SNTG1: variants seen among roughly 807,000 people sequenced by gnomAD.
SNTG1 encodes syntrophin gamma 1, also known as gamma-1-syntrophin.
Under a neutral mutation model 74.7 loss-of-function variants are expected in SNTG1, and 39 were observed. That is an observed-to-expected ratio of 0.52 (90% CI 0.40 to 0.68). SNTG1 has a LOEUF of 0.68. Ranked by LOEUF, SNTG1 falls within the 30% of genes least tolerant of loss-of-function variation. SNTG1 has a pLI of 0.00. For synonymous variants in SNTG1, 254 were observed against 217.1 expected (o/e 1.17, Z -1.49); for missense variants, 685 against 609.5 (o/e 1.12, Z -1.30).
chr8:50,716,813 A>G (rs540482763), intron 17 of SNTG1, among the ~76,000 whole-genome samples: 1 of 151,794 alleles, frequency 6.6e-6, no homozygotes, highest in East Asian at 1.9e-4. Flanking sequence ...GCTCACTGCA[A>G]GCTCCACCTC....
At chr8:50,774,858 T>C (rs778476238) in intron 18 of SNTG1, among the ~76,000 whole-genome samples, 1 of 151,512 alleles carries the variant, frequency 6.6e-6, no homozygotes. Flanking sequence ...TTGAGCACTA[T>C]TGACGTTGTC....
Position 50,794,723 on chromosome 8 carries a change from A to G in SNTG1, c.*1894A>G, listed in dbSNP as rs2095700637. The G allele has an allele frequency of 6.6e-6, 1 of 151,948 alleles. No individual in the cohort carries two copies. The highest frequency in any genetic ancestry group is 6.6e-5 in the Admixed American group (1 of 15,202). The allele number at this position is 151,948 out of a possible 1,614,324, so 9.4% of individuals were successfully genotyped here. On this transcript the variant is annotated 3_prime_UTR_variant, in exon 19 of 19. Coordinates refer to ENST00000642720, the MANE Select transcript of SNTG1 (RefSeq NM_018967.5). ...TTATGGAACTTCTGCTTCCAACCAGAGCTGAATCTCAGTGTGCCCCATATT... is the reference window on the plus strand; with the variant it reads ...TTATGGAACTTCTGCTTCCAACCAGGGCTGAATCTCAGTGTGCCCCATATT...
intron 1 of SNTG1, among the ~76,000 whole-genome samples, chr8:49,971,656 C>A (rs1442414875): frequency 3.9e-5 from 6 of 152,164 alleles, no homozygotes; most frequent in African/African-American, 1.4e-4. Flanking sequence ...TGACAGGCAA[C>A]TTCAGCAAAG....
chr8:50,267,830 T>C (rs1295441943), intron 2 of SNTG1, among the ~76,000 whole-genome samples: 1 of 152,074 alleles, frequency 6.6e-6, no homozygotes, highest in Non-Finnish European at 1.5e-5. Context: ...ACAGGAAAAA[T>C]AGATACTGCT....
At position 50,082,800 on chromosome 8, in the gene SNTG1, A is replaced by T. The variant is rs910545812; in HGVS notation, c.-102-89761A>T. ...CACCCCTCTACTCTCTGCTGGACACACACAGTGACTCCCATCAATCAGGGA... is the reference window on the plus strand; with the variant it reads ...CACCCCTCTACTCTCTGCTGGACACTCACAGTGACTCCCATCAATCAGGGA... On this transcript the variant is annotated intron_variant, in intron 1 of 18. Transcript: ENST00000642720. 3.3e-5 allele frequency among the ~76,000 whole-genome samples: 5 copies of T among 152,238 alleles called. No individual in the cohort carries two copies. In the South Asian group the frequency reaches 8.3e-4, roughly 25 times the overall value.
intron 3 of SNTG1, among the ~76,000 whole-genome samples, chr8:50,395,284 T>G (rs1483832934): frequency 6.6e-6 from 1 of 152,178 alleles, no homozygotes; most frequent in Non-Finnish European, 1.5e-5. Context: ...TTTTAATGCT[T>G]TAAGCATAAC....
At chr8:50,526,353 ACAC>A (rs2094219453) in intron 9 of SNTG1, among the ~76,000 whole-genome samples, 2 of 152,246 alleles carry the variant, frequency 1.3e-5, no homozygotes, top group South Asian at 4.1e-4. Flanking sequence ...ACTTCTGATC[ACAC>A]CAAGTTATTC....
At chr8:50,661,377 T>A (rs903241795) in intron 15 of SNTG1, among the ~76,000 whole-genome samples, 2 of 152,184 alleles carry the variant, frequency 1.3e-5, no homozygotes, top group South Asian at 4.1e-4. Context: ...AGATATTAAA[T>A]CCATGTGTAC....
At chr8:50,322,935 G>A (rs1009244014) in intron 2 of SNTG1, among the ~76,000 whole-genome samples, 1 of 151,694 alleles carries the variant, frequency 6.6e-6, no homozygotes, top group African/African-American at 2.4e-5. Flanking sequence ...GGCTAACATG[G>A]TAAAATCCCA....
chr8:50,193,146 C>T (rs570329586), intron 2 of SNTG1, among the ~76,000 whole-genome samples: 2 of 151,798 alleles, frequency 1.3e-5, no homozygotes, highest in African/African-American at 4.8e-5. Context: ...GTTTTTGGAT[C>T]CATATGAATT....
intron 12 of SNTG1, among the ~76,000 whole-genome samples, chr8:50,589,213 T>G (rs2130865270): frequency 6.6e-6 from 1 of 152,242 alleles, no homozygotes; most frequent in South Asian, 2.1e-4. Context: ...CACATATCAG[T>G]TAATAAGTTG....
At chr8:50,066,348 GATAT>G (rs148754724) in intron 1 of SNTG1, among the ~76,000 whole-genome samples, 2 of 150,520 alleles carry the variant, frequency 1.3e-5, no homozygotes, top group South Asian at 4.2e-4. Flanking sequence ...GTGGTATTTT[GATAT>G]ATATATATAT....
chr8:50,499,624 G>A (rs982957439), intron 8 of SNTG1, among the ~76,000 whole-genome samples: 5 of 151,294 alleles, frequency 3.3e-5, no homozygotes, highest in South Asian at 2.1e-4. Flanking sequence ...GGTCGTTAAG[G>A]CCTTTAGTCT....
chr8:50,010,837 T>C (rs1366414653), intron 1 of SNTG1, among the ~76,000 whole-genome samples: 3 of 141,382 alleles, frequency 2.1e-5, no homozygotes, highest in African/African-American at 8.4e-5. Context: ...GAGGAGGAAG[T>C]TAGTTACTGT....
At chr8:50,030,637 G>C (rs2130750723) in intron 1 of SNTG1, among the ~76,000 whole-genome samples, 1 of 151,786 alleles carries the variant, frequency 6.6e-6, no homozygotes, top group East Asian at 1.9e-4. Flanking sequence ...TTCCTCTCTT[G>C]CTAGGCATTA....
chr8:50,479,478 C>G (rs1272821196), intron 8 of SNTG1, among the ~76,000 whole-genome samples: 1 of 152,066 alleles, frequency 6.6e-6, no homozygotes, highest in Non-Finnish European at 1.5e-5. Context: ...GCTTACTTCC[C>G]CAATGGGGAA....
intron 2 of SNTG1, among the ~76,000 whole-genome samples, chr8:50,266,809 G>A (rs1455365759): frequency 1.3e-5 from 2 of 151,468 alleles, no homozygotes; most frequent in South Asian, 2.1e-4. Flanking sequence ...CTTGCCCCCC[G>A]GTTTTGAGCC....
intron 1 of SNTG1, among the ~76,000 whole-genome samples, chr8:50,052,526 T>C (rs1819663159): frequency 1.3e-5 from 2 of 152,136 alleles, no homozygotes; most frequent in Admixed American, 1.3e-4. Context: ...AATTGTTTCT[T>C]GGCTATGCCA....
intron 1 of SNTG1, among the ~76,000 whole-genome samples, chr8:49,970,615 T>G (rs1052038436): frequency 6.6e-6 from 1 of 152,158 alleles, no homozygotes; most frequent in South Asian, 2.1e-4. Flanking sequence ...TGTCCTCTAT[T>G]CCATAAGATC....
Sources: allele counts gnomAD v4.1 joint callset (sites outside exome capture counted in the v4.1 genomes callset), GRCh38; gene constraint gnomAD v4.1.1; transcripts MANE v1.5; gene names NCBI Gene and HGNC (gene_info 2026-07-23, HGNC 2026-07-21).